ACOX3: variants seen among roughly 807,000 people sequenced by gnomAD.
ACOX3 encodes acyl-CoA oxidase 3, pristanoyl, also known as peroxisomal acyl-coenzyme A oxidase 3.
ACOX3 carries 73 observed loss-of-function variants against 81.5 expected under a neutral mutation model. The observed-to-expected ratio is 0.90, with a 90% CI of 0.74 to 1.09. The LOEUF (loss-of-function observed/expected upper bound fraction) is 1.09. Among genes scored for constraint, ACOX3 ranks in the 50% least tolerant of loss-of-function variants. The probability of loss-of-function intolerance (pLI) is 0.00; values close to 1 mark genes in which losing one functional copy is unlikely to be tolerated. For missense variants in ACOX3, 947 were observed against 928.0 expected (o/e 1.02, Z -0.27); for synonymous variants, 387 against 375.1 (o/e 1.03, Z -0.37).
At chr4:8,435,367 G>A (rs1724169397) in intron 1 of ACOX3, among the ~76,000 whole-genome samples, 1 of 152,214 alleles carries the variant, frequency 6.6e-6, no homozygotes, top group Admixed American at 6.5e-5. Context: ...GTGCTGGCGG[G>A]CACCTGTAGT....
Position 8,419,431 on chromosome 4 carries a change from C to T in ACOX3, c.-14-2896G>A, listed in dbSNP as rs575987844. ...CCTGGGTGACAGAGTGAAACTCTGT[C>T]TCAAAAAAAAAAAGAAAAAAAGAAA... On this transcript the variant is annotated intron_variant, in intron 1 of 17. Coordinates refer to ENST00000356406, the MANE Select transcript of ACOX3 (RefSeq NM_003501.3). The surrounding 1 kb of genome is among the most constrained non-coding windows in gnomAD (Gnocchi z 4.2). 1.4e-5 allele frequency among the ~76,000 whole-genome samples: 2 copies of T among 147,512 alleles called. No individual in the cohort carries two copies. The highest frequency in any genetic ancestry group is 6.7e-5 in the Admixed American group (1 of 14,954).
In ACOX3 at chr4:8,384,205, G is replaced by A. The variant is rs1718024649; in HGVS notation, c.1538-2598C>T. ...CAAGTGAGAGGGACGCTTGAGAAAT[G>A]AGTTATGTTTGCACTGTGTTTTTTC... On this transcript the variant is annotated intron_variant, in intron 13 of 17. Coordinates refer to ENST00000356406, the MANE Select transcript of ACOX3 (RefSeq NM_003501.3). The surrounding 1 kb of genome is among the most constrained non-coding windows in gnomAD (Gnocchi z 5.3). Among the ~76,000 whole-genome samples, 2 of 152,214 alleles carry A rather than the reference G, an allele frequency of 1.3e-5. No individual in the cohort carries two copies. The highest frequency in any genetic ancestry group is 2.9e-5 in the Non-Finnish European group (2 of 68,034).
At chr4:8,372,164 T>C (rs543166612) in intron 16 of ACOX3, among the ~76,000 whole-genome samples, 1 of 152,296 alleles carries the variant, frequency 6.6e-6, no homozygotes, top group South Asian at 2.1e-4. Flanking sequence ...ATGGTGCAAT[T>C]ACGGCTCACT....
rs939800130 is a variant in ACOX3 at position 8,394,210 on chromosome 4, C to T, written c.1179+410G>A. 3.9e-5 allele frequency among the ~76,000 whole-genome samples: 6 copies of T among 152,242 alleles called. No individual in the cohort carries two copies. The highest frequency in any genetic ancestry group is 3.4e-3 in the Middle Eastern group (1 of 294). ...GCCGAGGCTGATCTCGGGATTTGCACGCTCGTTTCTGGCACAAATCCTCTG... is the reference window on the plus strand; with the variant it reads ...GCCGAGGCTGATCTCGGGATTTGCATGCTCGTTTCTGGCACAAATCCTCTG... On this transcript the variant is annotated intron_variant, in intron 10 of 17. Transcript: ENST00000356406. The surrounding 1 kb of genome is among the most constrained non-coding windows in gnomAD (Gnocchi z 5.9).
At chr4:8,361,519 G>A (rs566471386), downstream of ACOX3, among the ~76,000 whole-genome samples, 3 of 143,510 alleles carry the variant, frequency 2.1e-5, no homozygotes, top group Admixed American at 2.1e-4. Context: ...CTTGTTATAA[G>A]TTAATCTTGT....
At chr4:8,424,189 C>T (rs926411673) in intron 1 of ACOX3, among the ~76,000 whole-genome samples, 16 of 152,252 alleles carry the variant, frequency 1.1e-4, no homozygotes, top group Admixed American at 9.2e-4. Context: ...AGGCTTCTGC[C>T]GAATATGGAT....
intron 10 of ACOX3, among the ~76,000 whole-genome samples, chr4:8,393,574 CAATT>C (rs954131139): frequency 9.9e-5 from 15 of 150,780 alleles, no homozygotes; most frequent in African/African-American, 3.2e-4. Context: ...AAAAGAAAGA[CAATT>C]AAAAAGGAAA....
Position 8,407,489 on chromosome 4 carries a change from T to C in ACOX3, c.688-1446A>G, listed in dbSNP as rs550372647. ...TTTAAAGGGAATGCCGCCCTAAAGA[T>C]TCCTCAATTTCAGACCCCGGCCTCC... is the stretch of plus-strand genomic sequence containing the variant. On this transcript the variant is annotated intron_variant, in intron 6 of 17. Transcript: ENST00000356406. This position sits in a 1 kb window ranked among gnomAD's most constrained non-coding sequence, Gnocchi z 4.6. Among the ~76,000 whole-genome samples the C allele has an allele frequency of 1.5e-3, 230 of 152,240 alleles. 1 individual carries two copies. Among genetic ancestry groups the C allele is most frequent in the African/African-American group, 5.2e-3 (218 of 41,544 alleles).
Position 8,381,548 on chromosome 4 carries a change from AT to A in ACOX3, c.1596del (p.Lys532AsnfsTer2), listed in dbSNP as rs752586271. The stretch of plus-strand genomic sequence containing the variant: ...CTTCCTGATCTTTTCTCTTGGTTTA[AT>A]TTTTGATAAGTCTCTCGGAGCAGGT... ...VCYLLRETYQ[K>X]LNQEKRSGSS... On this transcript the variant is annotated frameshift_variant, in exon 14 of 18. Transcript: ENST00000356406. LOFTEE classifies it high-confidence loss of function. This position sits in a 1 kb window ranked among gnomAD's most constrained non-coding sequence, Gnocchi z 4.3. 2 of 1,613,898 alleles carry A rather than the reference AT, an allele frequency of 1.2e-6. No individual in the cohort carries two copies. Among genetic ancestry groups the A allele is most frequent in the African/African-American group, 2.7e-5 (2 of 74,904 alleles).
Position 8,416,550 on chromosome 4 carries a change from C to T in ACOX3, c.-14-15G>A. The T allele has an allele frequency of 2.6e-6, 4 of 1,560,756 alleles. No homozygotes were observed. Among genetic ancestry groups the T allele is most frequent in the Non-Finnish European group, 3.5e-6 (4 of 1,152,576 alleles). On this transcript the variant is annotated splice_polypyrimidine_tract_variant and intron_variant, in intron 1 of 17. Coordinates refer to ENST00000356406, the MANE Select transcript of ACOX3 (RefSeq NM_003501.3). This position sits in a 1 kb window ranked among gnomAD's most constrained non-coding sequence, Gnocchi z 4.2. ...GTGATAAGAGCCTGCACAAAACATG[C>T]AACCTGAATCCATGCTCTCCCATCT...
chr4:8,373,028 C>A (rs1254315806), intron 16 of ACOX3, among the ~76,000 whole-genome samples: 1 of 152,134 alleles, frequency 6.6e-6, no homozygotes, highest in Non-Finnish European at 1.5e-5. Context: ...GATGCCGGAT[C>A]AGAATGTGGG....
At chr4:8,436,571 A>G (rs992353003) in intron 1 of ACOX3, among the ~76,000 whole-genome samples, 14 of 152,228 alleles carry the variant, frequency 9.2e-5, no homozygotes, top group African/African-American at 3.1e-4. Context: ...ACTTCTGCAG[A>G]GGCTAAGAGG....
At chr4:8,440,598 A>G in intron 1 of ACOX3, 50 bp downstream of exon 1, 1 of 505,386 alleles carries the variant, frequency 2.0e-6, no homozygotes, top group Non-Finnish European at 3.3e-6. Flanking sequence ...TAACTATACC[A>G]CGCCCAGAAT....
intron 9 of ACOX3, 146 bp downstream of exon 9, chr4:8,396,791 G>T: frequency 1.1e-6 from 1 of 892,362 alleles, no homozygotes; most frequent in Non-Finnish European, 1.6e-6. Flanking sequence ...TGCGGCCTGA[G>T]ATGCCGCACT....
rs549644639 is a variant in ACOX3 at position 8,371,663 on chromosome 4, T to C, written c.1897-669A>G. Among the ~76,000 whole-genome samples the C allele has an allele frequency of 2.5e-4, 38 of 152,358 alleles. No homozygotes were observed. In the South Asian group the frequency reaches 3.9e-3, roughly 16 times the overall value. On this transcript the variant is annotated intron_variant, in intron 16 of 17. Coordinates refer to ENST00000356406, the MANE Select transcript of ACOX3 (RefSeq NM_003501.3). ...CAGTACAGAGTAAGAAAGGCCACAA[T>C]GGAGGAACTGAGTGCACCTCTGCGC...
chr4:8,414,805 G>C lies in ACOX3; in HGVS notation c.453+49C>G. On this transcript the variant is annotated intron_variant, in intron 4 of 17. Coordinates refer to ENST00000356406, the MANE Select transcript of ACOX3 (RefSeq NM_003501.3). The surrounding 1 kb of genome is among the most constrained non-coding windows in gnomAD (Gnocchi z 6.1). Reference sequence around the variant, plus strand: ...TTCTCTTTTCACAAATCTCTACAGAGATCAAGCAAGAGAACCAGGCTCACA... The same window carrying C: ...TTCTCTTTTCACAAATCTCTACAGACATCAAGCAAGAGAACCAGGCTCACA... The C allele has an allele frequency of 1.3e-6, 2 of 1,563,294 alleles. No individual in the cohort carries two copies. The highest frequency in any genetic ancestry group is 1.8e-6 in the Non-Finnish European group (2 of 1,133,704).
At position 8,416,047 on chromosome 4, in the gene ACOX3, C is replaced by G; in HGVS notation, c.145-48G>C. On this transcript the variant is annotated intron_variant, in intron 2 of 17. Coordinates refer to ENST00000356406, the MANE Select transcript of ACOX3 (RefSeq NM_003501.3). This position sits in a 1 kb window ranked among gnomAD's most constrained non-coding sequence, Gnocchi z 4.2. Reference sequence around the variant, plus strand: ...AGGCTTATTTGGAGTAAAAGATGGACTCTCCATGTGCCCTTATATAGTTGA... The same window carrying G: ...AGGCTTATTTGGAGTAAAAGATGGAGTCTCCATGTGCCCTTATATAGTTGA... 1 of 1,567,694 alleles carries G rather than the reference C, an allele frequency of 6.4e-7. No homozygotes were observed.
In ACOX3 at chr4:8,386,930, G is replaced by C. The variant is rs1038797900; in HGVS notation, c.1537+2243C>G. 2.0e-5 allele frequency among the ~76,000 whole-genome samples: 3 copies of C among 152,246 alleles called. No homozygotes were observed. Among genetic ancestry groups the C allele is most frequent in the Non-Finnish European group, 4.4e-5 (3 of 68,046 alleles). On this transcript the variant is annotated intron_variant, in intron 13 of 17. Transcript: ENST00000356406. This position sits in a 1 kb window ranked among gnomAD's most constrained non-coding sequence, Gnocchi z 5.2. ...CTATCACATCCACGGCGTCGGTCCT[G>C]ATGGCTGGAACGCGTCCTCCATGTG...
At position 8,423,478 on chromosome 4, in the gene ACOX3, G is replaced by T. The variant is rs578139712; in HGVS notation, c.-14-6943C>A. On this transcript the variant is annotated intron_variant, in intron 1 of 17. Transcript: ENST00000356406. This position sits in a 1 kb window ranked among gnomAD's most constrained non-coding sequence, Gnocchi z 4.2. The stretch of plus-strand genomic sequence containing the variant: ...CCAAAGGCAGTACCCTCTTAGACCC[G>T]AGGCCCAACAAGGACTCCAAAAGAT... 6.6e-6 allele frequency among the ~76,000 whole-genome samples: 1 copy of T among 152,086 alleles called. No individual in the cohort carries two copies. The highest frequency in any genetic ancestry group is 1.5e-5 in the Non-Finnish European group (1 of 68,018).
Sources: gnomAD v4.1 joint callset for allele counts (sites outside exome capture counted in the v4.1 genomes callset) on GRCh38, gnomAD v4.1.1 for gene constraint, Gnocchi (gnomAD v3.1) non-coding constraint, MANE v1.5 for transcripts, NCBI Gene and HGNC (gene_info 2026-07-23, HGNC 2026-07-21) for gene names.